Variants in MTHFD1 observed in about 807,000 individuals in gnomAD.
MTHFD1 encodes C-1-tetrahydrofolate synthase, cytoplasmic.
Under a neutral mutation model 110.3 loss-of-function variants are expected in MTHFD1, and 44 were observed. The ratio of observed to expected loss-of-function variants is 0.40; its 90% confidence interval spans 0.31 to 0.51. The LOEUF (loss-of-function observed/expected upper bound fraction) is 0.51, where lower values mean the gene tolerates loss of function less well. MTHFD1 is among the 20% of genes least tolerant of loss of function. The pLI is 0.60. For missense variants in MTHFD1, 909 were observed against 1,173.1 expected (o/e 0.77, Z 3.29); for synonymous variants, 402 against 428.8 (o/e 0.94, Z 0.77).
At chr14:64,394,729 G>T (rs1337893120) in intron 1 of MTHFD1, among the ~76,000 whole-genome samples, 1 of 152,098 alleles carries the variant, frequency 6.6e-6, no homozygotes, top group African/African-American at 2.4e-5. Context: ...GGGTTTAGGT[G>T]CCCAAATACC....
chr14:64,458,826 T>C (rs902205183), intron 27 of MTHFD1, among the ~76,000 whole-genome samples: 2 of 152,210 alleles, frequency 1.3e-5, no homozygotes, highest in Non-Finnish European at 2.9e-5. Context: ...TGAGTGACAT[T>C]GCATTGTTTG....
At chr14:64,452,940 C>T (rs1442276426) in intron 24 of MTHFD1, among the ~76,000 whole-genome samples, 1 of 151,718 alleles carries the variant, frequency 6.6e-6, no homozygotes, top group Non-Finnish European at 1.5e-5. Flanking sequence ...AGGCTGGTTT[C>T]AAACTCCTGG....
chr14:64,450,816 T>TC (rs1486870899), intron 24 of MTHFD1, among the ~76,000 whole-genome samples: 1 of 151,662 alleles, frequency 6.6e-6, no homozygotes, highest in Non-Finnish European at 1.5e-5. Flanking sequence ...CAAGTGGTCC[T>TC]CCCACCTCAG....
rs534466321 is a variant in MTHFD1, at chr14:64,406,181, G to A, written c.127-4909G>A. On this transcript the variant is annotated intron_variant, in intron 2 of 27. Transcript: ENST00000652337. Reference sequence around the variant, plus strand: ...AGCCTCCTGAGTAGCTGGGATTACAGGTGTGTTCCACCACGCCTGGCTAAT... The same window carrying A: ...AGCCTCCTGAGTAGCTGGGATTACAAGTGTGTTCCACCACGCCTGGCTAAT... Among the ~76,000 whole-genome samples, 174 of 151,698 alleles carry A rather than the reference G, an allele frequency of 1.1e-3. 1 individual carries two copies. The highest frequency in any genetic ancestry group is 2.8e-3 in the Admixed American group (43 of 15,230).
intron 6 of MTHFD1, among the ~76,000 whole-genome samples, chr14:64,416,344 T>C (rs192888541): frequency 1.3e-5 from 2 of 152,302 alleles, no homozygotes; most frequent in Admixed American, 1.3e-4. Context: ...TTCAGAGTTA[T>C]CTGAGTTCAA....
At chr14:64,446,627 C>A (rs911409493) in intron 22 of MTHFD1, among the ~76,000 whole-genome samples, 1 of 150,734 alleles carries the variant, frequency 6.6e-6, no homozygotes, top group Admixed American at 6.6e-5. Flanking sequence ...CTGCAAGCTC[C>A]GCCTCCTGGG....
chr14:64,410,981 A>G (rs2077978888), intron 2 of MTHFD1, 109 bp from the exon 3 acceptor site: 3 of 801,050 alleles, frequency 3.7e-6, no homozygotes, highest in Non-Finnish European at 2.2e-6. Context: ...TCTCTGCAAC[A>G]AGAGTCGCAT....
chr14:64,432,064 G>A (rs149448811), intron 15 of MTHFD1, among the ~76,000 whole-genome samples: 170 of 152,182 alleles, frequency 1.1e-3, no homozygotes, highest in African/African-American at 3.9e-3. Flanking sequence ...TGGCTAGTGT[G>A]GAATAAATAG....
chr14:64,444,639 A>C, intron 21 of MTHFD1, 54 bp from the exon 22 acceptor site: 3 of 1,602,298 alleles, frequency 1.9e-6, no homozygotes, highest in Middle Eastern at 1.7e-4. Context: ...GCACCATTTT[A>C]AGCTAGGAGA....
At chr14:64,433,042 G>T (rs989634430) in intron 15 of MTHFD1, among the ~76,000 whole-genome samples, 1 of 152,134 alleles carries the variant, frequency 6.6e-6, no homozygotes, top group African/African-American at 2.4e-5. Context: ...GATTACTGGC[G>T]TGAGCCACCA....
Position 64,435,599 on chromosome 14 carries a change from A to G in MTHFD1, c.1525A>G (p.Thr509Ala). The part of the protein sequence containing the change: ...RLGIEKTDPT[T>A]LTDEEINRFA... ...AGGCATTGAAAAGACTGACCCTACC[A>G]CACTGACAGATGAAGAGATAAACAG... Residue 509 changes from threonine to alanine, a missense_variant, in exon 16 of 28, where the codon ACA becomes GCA. Physicochemically the swap from Thr to Ala is moderately conservative, Grantham distance 58. This residue lies in a region of MTHFD1 where 482 missense variants were observed against 646.0 expected (regional missense o/e 0.75). Coordinates refer to ENST00000652337, the MANE Select transcript of MTHFD1 (RefSeq NM_005956.4). The G allele has an allele frequency of 3.7e-6, 6 of 1,611,114 alleles. No homozygotes were observed. The highest frequency in any genetic ancestry group is 5.1e-6 in the Non-Finnish European group (6 of 1,177,204).
At chr14:64,400,187 G>A (rs2077885348) in intron 1 of MTHFD1, among the ~76,000 whole-genome samples, 1 of 148,802 alleles carries the variant, frequency 6.7e-6, no homozygotes, top group Admixed American at 6.8e-5. Flanking sequence ...TCGGGAGTTC[G>A]AGACCAGCCT....
rs910052400 is a variant in MTHFD1 at position 64,451,672 on chromosome 14, G to A, written c.2457+2050G>A. Among the ~76,000 whole-genome samples the A allele has an allele frequency of 6.6e-5, 10 of 152,306 alleles. No individual in the cohort carries two copies. The East Asian group carries it at 1.9e-3, about 29-fold the overall frequency. On this transcript the variant is annotated intron_variant, in intron 24 of 27. Transcript: ENST00000652337. ...ACCAGCAGGAGACCTGAAAGAGCAG[G>A]GACATATGGACTTTAGAACCCATTT...
intron 1 of MTHFD1, among the ~76,000 whole-genome samples, chr14:64,392,227 G>A (rs570041703): frequency 2.6e-5 from 4 of 152,324 alleles, no homozygotes; most frequent in Admixed American, 2.6e-4. Flanking sequence ...CAATGGCCCT[G>A]TGAGAAGCTG....
In MTHFD1 at chr14:64,454,905, C is replaced by T. The variant is rs771924204; in HGVS notation, c.2718+30C>T. ...GTGCATGCTGCAAGGGAGTAGTGGG[C>T]GCATCTGCACTTCTCGTCTGAAGTG... is the stretch of plus-strand genomic sequence containing the variant. On this transcript the variant is annotated intron_variant, in intron 26 of 27. Transcript: ENST00000652337. The T allele has an allele frequency of 8.1e-6, 13 of 1,610,554 alleles. No individual in the cohort carries two copies. The East Asian group carries it at 8.9e-5, about 11-fold the overall frequency.
chr14:64,425,073 G>T, intron 9 of MTHFD1, 142 bp downstream of exon 9: 1 of 1,058,094 alleles, frequency 9.5e-7, no homozygotes, highest in Admixed American at 2.1e-5. Flanking sequence ...GAAGAATAGA[G>T]AAATAAGATC....
intron 24 of MTHFD1, among the ~76,000 whole-genome samples, chr14:64,451,159 C>T (rs1386201556): frequency 6.6e-6 from 1 of 151,638 alleles, no homozygotes. Flanking sequence ...TGCGAAACTT[C>T]GTCTCAAAAA....
chr14:64,406,334 C>T (rs892671849), intron 2 of MTHFD1, among the ~76,000 whole-genome samples: 12 of 151,696 alleles, frequency 7.9e-5, no homozygotes, highest in Admixed American at 6.6e-4. Flanking sequence ...CCACTGCTCC[C>T]GGCCAATTTT....
intron 3 of MTHFD1, among the ~76,000 whole-genome samples, chr14:64,411,833 G>A (rs1302881389): frequency 6.6e-5 from 10 of 152,100 alleles, no homozygotes; most frequent in Non-Finnish European, 8.8e-5. Context: ...CCTGGGAGGC[G>A]GAGGTTGTGG....
Sources: allele counts gnomAD v4.1 joint callset (sites outside exome capture counted in the v4.1 genomes callset), GRCh38; gene constraint gnomAD v4.1.1; regional missense constraint gnomAD v4.1.1; transcripts MANE v1.5; gene names NCBI Gene and HGNC (gene_info 2026-07-23, HGNC 2026-07-21).